The following DNM3 variants were observed in gnomAD, a reference collection of about 807,000 sequenced individuals.
The protein encoded by DNM3 is dynamin 3.
DNM3 carries 47 observed loss-of-function variants against 101.6 expected under a neutral mutation model. The ratio of observed to expected loss-of-function variants is 0.46; its 90% CI spans 0.37 to 0.59. The LOEUF is 0.59. Ranked by LOEUF, DNM3 falls within the 20% of genes least tolerant of loss-of-function variation. DNM3 has a pLI of 0.00. For missense variants in DNM3, 849 were observed against 1,085.7 expected, an observed-to-expected ratio of 0.78 and a Z score of 3.06; for synonymous variants, 385 against 387.9, an observed-to-expected ratio of 0.99 and a Z score of 0.09.
At chr1:172,196,250 C>T (rs776669464) in intron 14 of DNM3, among the ~76,000 whole-genome samples, 1 of 151,920 alleles carries the variant, frequency 6.6e-6, no homozygotes, top group Non-Finnish European at 1.5e-5. Context: ...TTTTTTATGG[C>T]TGCATAGTAT....
chr1:172,014,695 T>C (rs1176783987), intron 4 of DNM3, among the ~76,000 whole-genome samples: 1 of 152,218 alleles, frequency 6.6e-6, no homozygotes, highest in Non-Finnish European at 1.5e-5. Context: ...AACAGTTCTT[T>C]ATAAGATGTG....
At chr1:172,280,873 T>C (rs1190146983) in intron 15 of DNM3, among the ~76,000 whole-genome samples, 1 of 152,138 alleles carries the variant, frequency 6.6e-6, no homozygotes, top group Non-Finnish European at 1.5e-5. Context: ...AAGCCAAGCA[T>C]CAATAATTAA....
chr1:171,980,987 T>C (rs909617030), intron 2 of DNM3, among the ~76,000 whole-genome samples: 1 of 151,994 alleles, frequency 6.6e-6, no homozygotes, highest in African/African-American at 2.4e-5. Context: ...GCCAGTCTGG[T>C]CTCGAACTCC....
chr1:171,929,001 G>A (rs2040797871), intron 2 of DNM3, among the ~76,000 whole-genome samples: 2 of 152,206 alleles, frequency 1.3e-5, no homozygotes, highest in Non-Finnish European at 2.9e-5. Context: ...CCTGTTGCCA[G>A]CCCAAACACT....
intron 17 of DNM3, among the ~76,000 whole-genome samples, chr1:172,346,605 G>T (rs745868463): frequency 5.3e-5 from 8 of 152,062 alleles, no homozygotes; most frequent in Non-Finnish European, 8.8e-5. Flanking sequence ...ACAGACTTCT[G>T]TTTTAAACAG....
chr1:171,960,638 A>G (rs2043157038), intron 2 of DNM3, among the ~76,000 whole-genome samples: 1 of 152,204 alleles, frequency 6.6e-6, no homozygotes. Flanking sequence ...TCATAAGAAG[A>G]GGAAGAGAAA....
chr1:172,110,939 T>C (rs1211667244), intron 13 of DNM3, among the ~76,000 whole-genome samples: 1 of 152,146 alleles, frequency 6.6e-6, no homozygotes, highest in Non-Finnish European at 1.5e-5. Context: ...AGGAGGCTAA[T>C]GTGGAAGGAT....
intron 14 of DNM3, among the ~76,000 whole-genome samples, chr1:172,155,766 G>A (rs1173668378): frequency 6.6e-6 from 1 of 152,110 alleles, no homozygotes; most frequent in Non-Finnish European, 1.5e-5. Context: ...GTTTGCTTGG[G>A]ATGACTAAGG....
chr1:172,302,553 G>A (rs1329164576), intron 15 of DNM3, among the ~76,000 whole-genome samples: 1 of 152,220 alleles, frequency 6.6e-6, no homozygotes, highest in Non-Finnish European at 1.5e-5. Flanking sequence ...TCTGAGAACG[G>A]ACAGACTGCC....
chr1:172,106,172 T>C (rs1000572496), intron 13 of DNM3, among the ~76,000 whole-genome samples: 8 of 152,024 alleles, frequency 5.3e-5, no homozygotes, highest in African/African-American at 1.5e-4. Flanking sequence ...TGTAATCCCA[T>C]CACTTTGGGA....
intron 14 of DNM3, among the ~76,000 whole-genome samples, chr1:172,184,989 A>G (rs2059472830): frequency 6.6e-6 from 1 of 152,100 alleles, no homozygotes; most frequent in Admixed American, 6.6e-5. Flanking sequence ...GAGAGCATCG[A>G]ACATCTGGAA....
rs147131718 is a variant in DNM3, at chr1:171,961,349, C to A, written c.236-26307C>A. ...AGCCATGAGGTCAGCTAGAAACATA[C>A]TTTTAATCCATGTGTTTTTGACAAG... On this transcript the variant is annotated intron_variant, in intron 2 of 20. Coordinates refer to ENST00000627582, the MANE Select transcript of DNM3 (RefSeq NM_015569.5). Among the ~76,000 whole-genome samples the A allele has an allele frequency of 2.1e-4, 32 of 152,268 alleles. 1 individual carries two copies. Among genetic ancestry groups the A allele is most frequent in the Middle Eastern group, 6.8e-3 (2 of 294 alleles).
chr1:172,329,796 A>G (rs969237749), intron 17 of DNM3, among the ~76,000 whole-genome samples: 1 of 152,180 alleles, frequency 6.6e-6, no homozygotes, highest in Non-Finnish European at 1.5e-5. Context: ...AACACTACCT[A>G]CTAGGAAAAA....
At chr1:172,289,406 C>T (rs568625039) in intron 15 of DNM3, 39 of 260,810 alleles carry the variant, frequency 1.5e-4, no homozygotes, top group Non-Finnish European at 2.1e-4. Context: ...TAAAAGCATA[C>T]TTAGAATCTC....
chr1:171,912,091 A>G (rs1170134307), intron 1 of DNM3, among the ~76,000 whole-genome samples: 1 of 152,068 alleles, frequency 6.6e-6, no homozygotes, highest in Non-Finnish European at 1.5e-5. Context: ...TTCCACATGC[A>G]TTTCTTTTAG....
At chr1:172,395,046 C>T (rs1162296456) in intron 20 of DNM3, among the ~76,000 whole-genome samples, 5 of 152,166 alleles carry the variant, frequency 3.3e-5, no homozygotes, top group South Asian at 2.1e-4. Flanking sequence ...CTTGTTTTAA[C>T]GACGTCAACG....
intron 20 of DNM3, 110 bp from the exon 21 acceptor site, chr1:172,407,662 G>A (rs2070991368): frequency 2.9e-6 from 3 of 1,031,186 alleles, no homozygotes; most frequent in South Asian, 1.3e-5. Flanking sequence ...ACTTCTGCTG[G>A]CCTGTATGTG....
At chr1:172,113,162 T>C (rs1174343462) in intron 13 of DNM3, among the ~76,000 whole-genome samples, 2 of 152,180 alleles carry the variant, frequency 1.3e-5, no homozygotes, top group Non-Finnish European at 2.9e-5. Context: ...GAAAGTCAAA[T>C]TGGAAAGAAG....
At chr1:171,847,129 T>C (rs1474860345) in intron 1 of DNM3, among the ~76,000 whole-genome samples, 1 of 152,180 alleles carries the variant, frequency 6.6e-6, no homozygotes, top group Admixed American at 6.5e-5. Flanking sequence ...CAAGAAAATA[T>C]GAATACATAG....
Sources: gnomAD v4.1 joint callset for allele counts (sites outside exome capture counted in the v4.1 genomes callset) on GRCh38, gnomAD v4.1.1 for gene constraint, MANE v1.5 for transcripts, NCBI Gene and HGNC (gene_info 2026-07-23, HGNC 2026-07-21) for gene names.